CTNNA3: variants seen among roughly 807,000 people sequenced by gnomAD.
The protein encoded by CTNNA3 is catenin alpha-3.
CTNNA3 carries 76 observed loss-of-function variants against 95.7 expected under a neutral mutation model. The observed-to-expected ratio is 0.79, with a 90% CI of 0.66 to 0.96. The LOEUF is 0.96. CTNNA3 is among the 40% of genes least tolerant of loss of function. The pLI is 0.00. For synonymous variants in CTNNA3, 431 were observed against 374.4 expected (o/e 1.15, Z -1.74); for missense variants, 1,191 against 1,089.8 (o/e 1.09, Z -1.31).
chr10:67,314,141 C>T (rs1487763717), intron 5 of CTNNA3, among the ~76,000 whole-genome samples: 1 of 152,150 alleles, frequency 6.6e-6, no homozygotes, highest in Non-Finnish European at 1.5e-5. Context: ...GTTAGTTCCT[C>T]CAAGTAGAGT....
At chr10:67,498,150 T>C (rs1839096912) in intron 5 of CTNNA3, among the ~76,000 whole-genome samples, 1 of 152,238 alleles carries the variant, frequency 6.6e-6, no homozygotes, top group South Asian at 2.1e-4. Flanking sequence ...GTTTTATGCA[T>C]ATGGCTAGCC....
intron 3 of CTNNA3, among the ~76,000 whole-genome samples, chr10:67,570,738 A>G (rs1016402473): frequency 1.3e-5 from 2 of 152,136 alleles, no homozygotes; most frequent in Non-Finnish European, 2.9e-5. Context: ...GACATAGTTG[A>G]TTATTTTCTC....
intron 11 of CTNNA3, among the ~76,000 whole-genome samples, chr10:66,387,043 C>T (rs1439266571): frequency 2.0e-5 from 3 of 152,082 alleles, no homozygotes; most frequent in Admixed American, 6.6e-5. Flanking sequence ...TAGGCAAGGA[C>T]TTCATGACTA....
chr10:67,224,538 G>C (rs956907824), intron 5 of CTNNA3, among the ~76,000 whole-genome samples: 20 of 152,326 alleles, frequency 1.3e-4, no homozygotes, highest in African/African-American at 4.3e-4. Flanking sequence ...CAAATACTGT[G>C]AGTGCCCCAA....
intron 7 of CTNNA3, among the ~76,000 whole-genome samples, chr10:66,788,334 A>G (rs1220421005): frequency 6.6e-6 from 1 of 152,096 alleles, no homozygotes; most frequent in Non-Finnish European, 1.5e-5. Flanking sequence ...GGTGCTATAT[A>G]TCAGTTCCAG....
intron 17 of CTNNA3, among the ~76,000 whole-genome samples, chr10:65,928,037 C>T (rs968905523): frequency 6.6e-6 from 1 of 152,062 alleles, no homozygotes; most frequent in Non-Finnish European, 1.5e-5. Flanking sequence ...TTGTTTTATT[C>T]ATCTTCTATG....
At chr10:66,108,260 T>C (rs1044791841) in intron 13 of CTNNA3, among the ~76,000 whole-genome samples, 2 of 152,056 alleles carry the variant, frequency 1.3e-5, no homozygotes, top group Admixed American at 6.6e-5. Context: ...AACACTGAAG[T>C]TCCTGCCCCA....
intron 17 of CTNNA3, among the ~76,000 whole-genome samples, chr10:65,953,852 G>T (rs2077672915): frequency 2.0e-5 from 3 of 152,172 alleles, no homozygotes; most frequent in Admixed American, 1.3e-4. Flanking sequence ...ACATATGTGT[G>T]CATGTGTCTT....
intron 3 of CTNNA3, among the ~76,000 whole-genome samples, chr10:67,549,830 A>C (rs1487927231): frequency 6.6e-6 from 1 of 152,232 alleles, no homozygotes; most frequent in African/African-American, 2.4e-5. Context: ...TATTGCTTAC[A>C]TATTTCTATA....
intron 13 of CTNNA3, among the ~76,000 whole-genome samples, chr10:66,157,626 A>C (rs2084612506): frequency 1.3e-5 from 2 of 152,050 alleles, no homozygotes; most frequent in Admixed American, 1.3e-4. Context: ...GTTGCTATAA[A>C]CATGCATGTG....
At chr10:67,414,019 C>G (rs1023333130) in intron 5 of CTNNA3, among the ~76,000 whole-genome samples, 2 of 151,784 alleles carry the variant, frequency 1.3e-5, no homozygotes, top group Non-Finnish European at 2.9e-5. Flanking sequence ...TTTGCACCTA[C>G]AGGAACAAGA....
At chr10:66,605,429 G>A (rs1362874238) in intron 10 of CTNNA3, among the ~76,000 whole-genome samples, 1 of 152,062 alleles carries the variant, frequency 6.6e-6, no homozygotes, top group Non-Finnish European at 1.5e-5. Flanking sequence ...AGCTAGAGAG[G>A]CCAACATTCA....
chr10:65,965,520 T>C (rs1564545229), intron 17 of CTNNA3, among the ~76,000 whole-genome samples: 1 of 148,286 alleles, frequency 6.7e-6, no homozygotes, highest in Non-Finnish European at 1.5e-5. Flanking sequence ...TTCTTGTGCC[T>C]CAGACTACTG....
chr10:67,584,100 G>A (rs1237161430), intron 3 of CTNNA3, among the ~76,000 whole-genome samples: 6 of 152,078 alleles, frequency 3.9e-5, no homozygotes, highest in African/African-American at 7.2e-5. Context: ...GCTTTGTTCC[G>A]TTGCTGGCAA....
Position 67,202,522 on chromosome 10 carries a change from A to T in CTNNA3, c.843+17085T>A, listed in dbSNP as rs188782608. Among the ~76,000 whole-genome samples, 17 of 152,310 alleles carry T rather than the reference A, an allele frequency of 1.1e-4. No individual in the cohort carries two copies. In the East Asian group the frequency reaches 2.9e-3, roughly 26 times the overall value. On this transcript the variant is annotated intron_variant, in intron 6 of 17. Transcript: ENST00000433211. ...CATCTCTTGATAAAAGTAAAAACAG[A>T]TTCCTCTAAATTAAAGCTGGAATTC...
At chr10:66,041,499 G>A (rs1458737923) in intron 15 of CTNNA3, among the ~76,000 whole-genome samples, 1 of 151,492 alleles carries the variant, frequency 6.6e-6, no homozygotes, top group Non-Finnish European at 1.5e-5. Context: ...GTGTAGATGA[G>A]TGCTCTCTGC....
At chr10:67,162,675 T>A (rs1176767047) in intron 7 of CTNNA3, among the ~76,000 whole-genome samples, 1 of 151,350 alleles carries the variant, frequency 6.6e-6, no homozygotes, top group Middle Eastern at 3.2e-3. Context: ...CAAATAAAAT[T>A]GAAAATGAAA....
chr10:67,141,209 A>G (rs1860545263), intron 7 of CTNNA3, among the ~76,000 whole-genome samples: 2 of 152,168 alleles, frequency 1.3e-5, no homozygotes, highest in African/African-American at 4.8e-5. Context: ...CCAGCTCTAT[A>G]TATTACCATA....
intron 7 of CTNNA3, among the ~76,000 whole-genome samples, chr10:66,793,944 A>G (rs552330674): frequency 3.3e-5 from 5 of 152,312 alleles, no homozygotes; most frequent in African/African-American, 1.2e-4. Context: ...AGTCACAAAT[A>G]TAGCAATACA....
Sources: allele counts gnomAD v4.1 joint callset (sites outside exome capture counted in the v4.1 genomes callset), GRCh38; gene constraint gnomAD v4.1.1; transcripts MANE v1.5; gene names NCBI Gene and HGNC (gene_info 2026-07-23, HGNC 2026-07-21).